Variants in TBCK observed in about 807,000 individuals in gnomAD.
TBCK encodes TBC1 domain containing kinase, also known as TBC domain-containing protein kinase-like protein.
A neutral mutation model predicts 113.4 loss-of-function variants in TBCK; 99 were observed. The ratio of observed to expected loss-of-function variants is 0.87; its 90% confidence interval spans 0.74 to 1.03. TBCK has a LOEUF of 1.03. Among genes scored for constraint, TBCK ranks in the 50% least tolerant of loss-of-function variants. The probability of loss-of-function intolerance (pLI) is 0.00; values close to 1 mark genes in which losing one functional copy is unlikely to be tolerated. For missense variants in TBCK, 1,045 were observed against 1,061.3 expected (o/e 0.98, Z 0.21); for synonymous variants, 369 against 370.8 (o/e 1.00, Z 0.05).
At chr4:106,080,661 T>C (rs1009367565) in intron 25 of TBCK, among the ~76,000 whole-genome samples, 12 of 152,112 alleles carry the variant, frequency 7.9e-5, no homozygotes, top group Admixed American at 2.6e-4. Flanking sequence ...AAAGCAAAAA[T>C]TGACAAATGG....
At chr4:106,131,247 C>T (rs1231850370) in intron 23 of TBCK, among the ~76,000 whole-genome samples, 2 of 152,220 alleles carry the variant, frequency 1.3e-5, no homozygotes, top group African/African-American at 4.8e-5. Context: ...GTGGAACTGT[C>T]AGTCAATTAA....
chr4:106,211,679 T>C (rs2149886146), intron 20 of TBCK, among the ~76,000 whole-genome samples: 1 of 152,168 alleles, frequency 6.6e-6, no homozygotes, highest in East Asian at 1.9e-4. Flanking sequence ...TTAGGAAGTT[T>C]TTAACATTAC....
chr4:106,161,700 CTG>C (rs35152957), intron 23 of TBCK, among the ~76,000 whole-genome samples: 16,262 of 145,766 alleles, frequency 0.11, 992 homozygotes, highest in Middle Eastern at 0.28. Context: ...TTAGGTGTGT[CTG>C]TGTGTGTGTG....
chr4:106,236,082 G>A (rs945111015), intron 14 of TBCK, among the ~76,000 whole-genome samples: 8 of 151,610 alleles, frequency 5.3e-5, no homozygotes, highest in Non-Finnish European at 8.8e-5. Flanking sequence ...TTTATATTAT[G>A]TACTCTATCC....
chr4:106,139,430 A>G lies in TBCK; in HGVS notation c.2236-23052T>C, dbSNP rs567123926. Among the ~76,000 whole-genome samples the G allele has an allele frequency of 2.8e-5, 4 of 142,240 alleles. 1 individual carries two copies. In the East Asian group the frequency reaches 8.1e-4, roughly 29 times the overall value. 93.3% of individuals were successfully genotyped at this position (142,240 alleles called of 152,430 possible). A position where few individuals can be genotyped will look rare whatever the true frequency, so the allele number is the denominator to read the frequency against. ...AAATAAAGGAAAATTCAAAAGTTTC[A>G]GCAATAAACACAAAAGACTGTTTAA... On this transcript the variant is annotated intron_variant, in intron 23 of 25. Coordinates refer to ENST00000394708, the MANE Select transcript of TBCK (RefSeq NM_001163435.3).
chr4:106,243,695 T>G (rs1760436099), intron 11 of TBCK, among the ~76,000 whole-genome samples: 1 of 152,114 alleles, frequency 6.6e-6, no homozygotes, highest in Non-Finnish European at 1.5e-5. Context: ...AATTAAAATT[T>G]TATTTTATTT....
At chr4:106,212,941 A>C in intron 19 of TBCK, 106 bp from the exon 20 acceptor site, 6 of 719,212 alleles carry the variant, frequency 8.3e-6, no homozygotes, top group Non-Finnish European at 1.4e-5. Flanking sequence ...TAATTTCTCC[A>C]TGAGAATACT....
chr4:106,131,001 C>T (rs897934289), intron 23 of TBCK, among the ~76,000 whole-genome samples: 1 of 152,046 alleles, frequency 6.6e-6, no homozygotes, highest in African/African-American at 2.4e-5. Flanking sequence ...GCTGGGTCCC[C>T]CCCAAATCTC....
chr4:106,214,778 T>A (rs1307035194), intron 19 of TBCK, among the ~76,000 whole-genome samples: 1 of 151,588 alleles, frequency 6.6e-6, no homozygotes, highest in African/African-American at 2.4e-5. Context: ...GGAACCAAGT[T>A]GGAAAACACT....
intron 23 of TBCK, among the ~76,000 whole-genome samples, chr4:106,170,246 T>A (rs964875147): frequency 2.6e-5 from 4 of 152,134 alleles, no homozygotes; most frequent in Non-Finnish European, 5.9e-5. Context: ...TTTGGAAAAC[T>A]ATAATGCAAA....
At position 106,059,478 on chromosome 4, in the gene TBCK, A is replaced by C. The variant is rs13435718; in HGVS notation, c.2572-12798T>G. On this transcript the variant is annotated intron_variant, in intron 25 of 25. Transcript: ENST00000394708. ...TATATCTGTTATGATGATCTGTGAT[A>C]AGTGATCTCAGATGCTGCTATTGTA... Among the ~76,000 whole-genome samples the C allele has an allele frequency of 3.8e-3, 575 of 151,778 alleles. 3 individuals are homozygous for C. Among genetic ancestry groups the C allele is most frequent in the African/African-American group, 0.013 (547 of 41,484 alleles).
intron 19 of TBCK, among the ~76,000 whole-genome samples, chr4:106,226,358 G>T (rs1758244696): frequency 1.3e-5 from 2 of 152,190 alleles, no homozygotes; most frequent in Admixed American, 1.3e-4. Context: ...TGTAACAGAA[G>T]ATGTCTCATA....
chr4:106,176,920 A>T (rs189837445), intron 22 of TBCK, among the ~76,000 whole-genome samples: 1 of 149,214 alleles, frequency 6.7e-6, no homozygotes, highest in East Asian at 2.0e-4. Context: ...AATTAGTGAT[A>T]TTGAGTACTT....
intron 11 of TBCK, 105 bp from the exon 12 acceptor site, chr4:106,242,674 A>G (rs1579369397): frequency 1.5e-6 from 1 of 651,934 alleles, no homozygotes; most frequent in Middle Eastern, 4.3e-4. Flanking sequence ...TCAAAAAAGA[A>G]TTAAACTTTA....
chr4:106,051,900 A>T (rs765228442), intron 25 of TBCK, among the ~76,000 whole-genome samples: 30 of 151,996 alleles, frequency 2.0e-4, no homozygotes, highest in Non-Finnish European at 3.8e-4. Flanking sequence ...TGAGAAACAT[A>T]AGAGCTGTGG....
At chr4:106,120,903 G>A (rs1441130384) in intron 23 of TBCK, among the ~76,000 whole-genome samples, 3 of 152,234 alleles carry the variant, frequency 2.0e-5, no homozygotes, top group Non-Finnish European at 2.9e-5. Context: ...CTAAAACGCA[G>A]AGCTCCTCTC....
At chr4:106,224,919 C>A (rs542713687) in intron 19 of TBCK, among the ~76,000 whole-genome samples, 1 of 152,146 alleles carries the variant, frequency 6.6e-6, no homozygotes, top group Non-Finnish European at 1.5e-5. Flanking sequence ...TTTGCTACCA[C>A]ACACAAGAAA....
At chr4:106,125,018 C>G (rs1003812491) in intron 23 of TBCK, among the ~76,000 whole-genome samples, 1 of 143,566 alleles carries the variant, frequency 7.0e-6, no homozygotes, top group East Asian at 2.0e-4. Context: ...AAAAAAAACA[C>G]AATGTGATAT....
At chr4:106,077,762 T>A (rs1438180543) in intron 25 of TBCK, among the ~76,000 whole-genome samples, 1 of 152,082 alleles carries the variant, frequency 6.6e-6, no homozygotes, top group Non-Finnish European at 1.5e-5. Flanking sequence ...GGCAGAAAAC[T>A]AACAAATATT....
Sources: allele counts gnomAD v4.1 joint callset (sites outside exome capture counted in the v4.1 genomes callset), GRCh38; gene constraint gnomAD v4.1.1; transcripts MANE v1.5; gene names NCBI Gene and HGNC (gene_info 2026-07-23, HGNC 2026-07-21).